PCSK2: variants seen among roughly 807,000 people sequenced by gnomAD.
The protein encoded by PCSK2 is neuroendocrine convertase 2.
PCSK2 carries 14 observed loss-of-function variants against 69.7 expected under a neutral mutation model. That is an observed-to-expected ratio of 0.20 (90% CI 0.13 to 0.31). PCSK2 has a LOEUF of 0.31. Ranked by LOEUF, PCSK2 falls within the 10% of genes least tolerant of loss-of-function variation. The pLI is 1.00. For missense variants in PCSK2, 544 were observed against 842.5 expected (o/e 0.65, Z 4.39); for synonymous variants, 307 against 320.7 (o/e 0.96, Z 0.46).
chr20:17,348,935 G>T (rs1208196176), intron 2 of PCSK2, among the ~76,000 whole-genome samples: 1 of 152,148 alleles, frequency 6.6e-6, no homozygotes, highest in Non-Finnish European at 1.5e-5. Context: ...CCCACAACAG[G>T]CATGACCCGT....
chr20:17,360,523 C>T lies in PCSK2; in HGVS notation c.397-9C>T, dbSNP rs929070011. On this transcript the variant is annotated splice_polypyrimidine_tract_variant and intron_variant, in intron 3 of 11. Coordinates refer to ENST00000262545, the MANE Select transcript of PCSK2 (RefSeq NM_002594.5). ...AATACCATTCTCTGCTTTGAAATTC[C>T]TGTACCAGATCAATACTGGGCAAGC... The T allele has an allele frequency of 7.6e-6, 12 of 1,570,026 alleles. No individual in the cohort carries two copies. The highest frequency in any genetic ancestry group is 3.4e-5 in the Admixed American group (2 of 59,238).
chr20:17,350,382 C>G (rs2029941124), intron 2 of PCSK2, among the ~76,000 whole-genome samples: 1 of 151,570 alleles, frequency 6.6e-6, no homozygotes, highest in South Asian at 2.1e-4. Flanking sequence ...TGCTCCTTTT[C>G]TTGCTCTCAC....
At chr20:17,458,459 C>T (rs1183218974) in intron 10 of PCSK2, among the ~76,000 whole-genome samples, 1 of 152,188 alleles carries the variant, frequency 6.6e-6, no homozygotes, top group African/African-American at 2.4e-5. Context: ...CTAAGAGCTA[C>T]TCTGGAGAAG....
chr20:17,425,409 AT>A (rs1352628742), intron 6 of PCSK2, among the ~76,000 whole-genome samples: 2 of 151,762 alleles, frequency 1.3e-5, no homozygotes, highest in Non-Finnish European at 2.9e-5. Context: ...CAAGGCAGCC[AT>A]TTTTTTTCTG....
At chr20:17,474,631 G>T (rs11696580) in intron 11 of PCSK2, among the ~76,000 whole-genome samples, 22,502 of 152,098 alleles carry the variant, frequency 0.15, 2,003 homozygotes, top group Middle Eastern at 0.21. Context: ...TGAGCGTGGG[G>T]CTCCTGGGAG....
chr20:17,267,879 G>A (rs1271293812), intron 2 of PCSK2, among the ~76,000 whole-genome samples: 2 of 151,862 alleles, frequency 1.3e-5, no homozygotes, highest in Non-Finnish European at 2.9e-5. Context: ...AATTCACAAG[G>A]TGAAGAGTCT....
rs779971814 is a variant in PCSK2 at position 17,453,930 on chromosome 20, G to A, written c.1074G>A (p.Gly358=). ...SSTLASTFSN[G]RKRNPEAGVA... Reference sequence around the variant, plus strand: ...CCTTGGCTTCCACCTTCAGCAACGGGAGGAAAAGGAACCCCGAGGCCGGTG... The same window carrying A: ...CCTTGGCTTCCACCTTCAGCAACGGAAGGAAAAGGAACCCCGAGGCCGGTG... Residue 358 remains glycine (G), a synonymous_variant, in exon 9 of 12, where the codon GGG becomes GGA. Coordinates refer to ENST00000262545, the MANE Select transcript of PCSK2 (RefSeq NM_002594.5). This position sits in a 1 kb window ranked among gnomAD's most constrained non-coding sequence, Gnocchi z 4.0. The A allele has an allele frequency of 6.2e-7, 1 of 1,614,224 alleles. No homozygotes were observed. The highest frequency in any genetic ancestry group is 2.2e-5 in the East Asian group (1 of 44,888).
chr20:17,241,677 C>A (rs1170432051), intron 1 of PCSK2, among the ~76,000 whole-genome samples: 1 of 152,156 alleles, frequency 6.6e-6, no homozygotes, highest in Non-Finnish European at 1.5e-5. Context: ...TCCTTGTAGT[C>A]ACACTGAACG....
At chr20:17,394,087 C>A (rs988798273) in intron 5 of PCSK2, among the ~76,000 whole-genome samples, 1 of 152,104 alleles carries the variant, frequency 6.6e-6, no homozygotes, top group African/African-American at 2.4e-5. Flanking sequence ...CGCTTGAGCC[C>A]AGGAATTTGA....
intron 7 of PCSK2, among the ~76,000 whole-genome samples, chr20:17,430,322 A>C (rs1443323317): frequency 6.6e-6 from 1 of 152,198 alleles, no homozygotes; most frequent in Non-Finnish European, 1.5e-5. Context: ...CAAGTTTTGC[A>C]TCAAATTGAT....
chr20:17,347,950 AAGAAAGAAAGAG>A (rs1208396925), intron 2 of PCSK2, among the ~76,000 whole-genome samples: 1 of 70,466 alleles, frequency 1.4e-5, no homozygotes, highest in African/African-American at 4.1e-5. Context: ...GAAAGAAAGA[AAGAAAGAAAGAG>A]AAAGAAAGAA....
chr20:17,388,900 G>A (rs777610206), intron 5 of PCSK2, among the ~76,000 whole-genome samples: 16 of 152,116 alleles, frequency 1.1e-4, no homozygotes, highest in Non-Finnish European at 2.4e-4. Flanking sequence ...GTCTCAAGCA[G>A]GGGCCTGTAT....
At chr20:17,326,302 A>G (rs1188452607) in intron 2 of PCSK2, among the ~76,000 whole-genome samples, 2 of 152,220 alleles carry the variant, frequency 1.3e-5, no homozygotes, top group African/African-American at 4.8e-5. Context: ...GCTGTCAGAG[A>G]CAGTACTTGT....
At chr20:17,395,840 G>A (rs1003983155) in intron 5 of PCSK2, among the ~76,000 whole-genome samples, 4 of 152,158 alleles carry the variant, frequency 2.6e-5, no homozygotes, top group Non-Finnish European at 5.9e-5. Flanking sequence ...CTTCGATGAG[G>A]TGACTCAGCT....
rs758807342 is a variant in PCSK2, at chr20:17,465,238, G to GTA, written c.1203-87_1203-86dup. 1.4e-5 allele frequency: 13 copies of GTA among 899,074 alleles called. No homozygotes were observed. The South Asian group carries it at 1.8e-4, about 13-fold the overall frequency. 55.7% of individuals were successfully genotyped at this position (899,074 alleles called of 1,614,324 possible). On this transcript the variant is annotated intron_variant, in intron 10 of 11. Coordinates refer to ENST00000262545, the MANE Select transcript of PCSK2 (RefSeq NM_002594.5). ...ATCTTACAAGAGGTCTGTGTCCTGAGTAATATTTCTCTTAATCATTGTGCC... is the reference window on the plus strand; with the variant it reads ...ATCTTACAAGAGGTCTGTGTCCTGAGTATAATATTTCTCTTAATCATTGTGCC...
chr20:17,288,678 C>T (rs1333128071), intron 2 of PCSK2, among the ~76,000 whole-genome samples: 1 of 152,158 alleles, frequency 6.6e-6, no homozygotes. Context: ...AATTTGGACA[C>T]AGACACACAG....
intron 6 of PCSK2, among the ~76,000 whole-genome samples, chr20:17,411,821 A>G (rs1417799714): frequency 6.6e-6 from 1 of 152,242 alleles, no homozygotes; most frequent in Non-Finnish European, 1.5e-5. Flanking sequence ...CTTCAAGAGG[A>G]AAGATCAGGC....
chr20:17,425,974 G>A (rs1028949137), intron 6 of PCSK2, among the ~76,000 whole-genome samples: 2 of 152,172 alleles, frequency 1.3e-5, no homozygotes, highest in African/African-American at 2.4e-5. Context: ...GGAGAAAAGA[G>A]AATGACTGGT....
chr20:17,254,916 A>G (rs2122985140), intron 1 of PCSK2, among the ~76,000 whole-genome samples: 1 of 152,210 alleles, frequency 6.6e-6, no homozygotes, highest in East Asian at 1.9e-4. Flanking sequence ...CCAGTATTTT[A>G]CTTATTTGAT....
Sources: gnomAD v4.1 joint callset for allele counts (sites outside exome capture counted in the v4.1 genomes callset) on GRCh38, gnomAD v4.1.1 for gene constraint, Gnocchi (gnomAD v3.1) non-coding constraint, MANE v1.5 for transcripts, NCBI Gene and HGNC (gene_info 2026-07-23, HGNC 2026-07-21) for gene names.